Variants in OSBPL3 observed in about 807,000 individuals in gnomAD.
OSBPL3 encodes oxysterol-binding protein-related protein 3.
In OSBPL3, 65 loss-of-function variants were observed where a neutral mutation model predicts 120.1. The ratio of observed to expected loss-of-function variants is 0.54; its 90% CI spans 0.44 to 0.67. The LOEUF is 0.67. Ranked by LOEUF, OSBPL3 falls within the 30% of genes least tolerant of loss-of-function variation. The probability of loss-of-function intolerance (pLI) is 0.00; values close to 1 mark genes in which losing one functional copy is unlikely to be tolerated. For missense variants in OSBPL3, 1,004 were observed against 1,082.1 expected (o/e 0.93, Z 1.01); for synonymous variants, 416 against 402.6 (o/e 1.03, Z -0.40).
rs1412465734 is a variant in OSBPL3 at position 24,883,920 on chromosome 7, C to T, written c.96+8457G>A. ...GCTCAGTCTTATTTCTTCAGCCTTC[C>T]TGCCTCTGAGGTATGTTATAACCAT... On this transcript the variant is annotated intron_variant, in intron 2 of 22. Transcript: ENST00000313367. This position sits in a 1 kb window ranked among gnomAD's most constrained non-coding sequence, Gnocchi z 5.4. 6.6e-6 allele frequency among the ~76,000 whole-genome samples: 1 copy of T among 152,180 alleles called. No individual in the cohort carries two copies. The highest frequency in any genetic ancestry group is 1.5e-5 in the Non-Finnish European group (1 of 68,046).
In OSBPL3 at chr7:24,867,077, G is replaced by C. The variant is rs1801435148; in HGVS notation, c.382-840C>G. On this transcript the variant is annotated intron_variant, in intron 5 of 22. Coordinates refer to ENST00000313367, the MANE Select transcript of OSBPL3 (RefSeq NM_015550.4). The surrounding 1 kb of genome is among the most constrained non-coding windows in gnomAD (Gnocchi z 4.5). The stretch of plus-strand genomic sequence containing the variant: ...GGCCTCCCAAAGTGCTGGGATTACA[G>C]GCGTGAGCCACCACACCTGGCCTGT... Among the ~76,000 whole-genome samples, 1 of 152,244 alleles carries C rather than the reference G, an allele frequency of 6.6e-6. No homozygotes were observed. Among genetic ancestry groups the C allele is most frequent in the African/African-American group, 2.4e-5 (1 of 41,470 alleles).
At position 24,851,293 on chromosome 7, in the gene OSBPL3, A is replaced by C. The variant is rs143910693; in HGVS notation, c.1158+1211T>G. On this transcript the variant is annotated intron_variant, in intron 11 of 22. Transcript: ENST00000313367. The surrounding 1 kb of genome is among the most constrained non-coding windows in gnomAD (Gnocchi z 4.1). ...AGGGGGCGATTCTATCTGTGACCTT[A>C]AGACAACGTTAAGACTCTTCTTTAT... Among the ~76,000 whole-genome samples, 58 of 152,352 alleles carry C rather than the reference A, an allele frequency of 3.8e-4. 1 individual carries two copies. In the East Asian group the frequency reaches 0.011, roughly 29 times the overall value.
chr7:24,859,207 G>C (rs931506245), intron 10 of OSBPL3, among the ~76,000 whole-genome samples: 10 of 152,042 alleles, frequency 6.6e-5, no homozygotes, highest in Non-Finnish European at 1.3e-4. Context: ...AGAGCTGAAG[G>C]AATCAGTAAT....
chr7:24,845,384 T>TAAAAAAAA (rs34559902), intron 12 of OSBPL3, among the ~76,000 whole-genome samples: 425 of 62,280 alleles, frequency 6.8e-3, no homozygotes, highest in East Asian at 0.012. Context: ...GCAAAATAAG[T>TAAAAAAAA]AAAAAAAAAA....
intron 1 of OSBPL3, among the ~76,000 whole-genome samples, chr7:24,963,650 G>A (rs1816042527): frequency 6.6e-6 from 1 of 152,222 alleles, no homozygotes; most frequent in African/African-American, 2.4e-5. Context: ...GGTAAAAAAG[G>A]GGCAGGACTA....
rs1812449517 is a variant in OSBPL3, at chr7:24,936,582, T to C, written c.-150+43304A>G. Among the ~76,000 whole-genome samples, 1 of 152,128 alleles carries C rather than the reference T, an allele frequency of 6.6e-6. No homozygotes were observed. Among genetic ancestry groups the C allele is most frequent in the African/African-American group, 2.4e-5 (1 of 41,432 alleles). ...AAGGAAGGACCCTAGCTGTGGGCCTTGAAACCTCCTATTTGGGCTTCTGCC... is the reference window on the plus strand; with the variant it reads ...AAGGAAGGACCCTAGCTGTGGGCCTCGAAACCTCCTATTTGGGCTTCTGCC... On this transcript the variant is annotated intron_variant, in intron 1 of 22. Coordinates refer to ENST00000313367, the MANE Select transcript of OSBPL3 (RefSeq NM_015550.4). The surrounding 1 kb of genome is among the most constrained non-coding windows in gnomAD (Gnocchi z 4.2).
At position 24,937,762 on chromosome 7, in the gene OSBPL3, G is replaced by A. The variant is rs890171052; in HGVS notation, c.-150+42124C>T. The stretch of plus-strand genomic sequence containing the variant: ...CAAGCTGGTTGTTCCAAATGATATT[G>A]CCATTAATAAAACATGAGCTCCCAT... On this transcript the variant is annotated intron_variant, in intron 1 of 22. Coordinates refer to ENST00000313367, the MANE Select transcript of OSBPL3 (RefSeq NM_015550.4). The surrounding 1 kb of genome is among the most constrained non-coding windows in gnomAD (Gnocchi z 4.0). Among the ~76,000 whole-genome samples the A allele has an allele frequency of 6.6e-6, 1 of 152,162 alleles. No individual in the cohort carries two copies. The highest frequency in any genetic ancestry group is 2.1e-4 in the South Asian group (1 of 4,822).
intron 5 of OSBPL3, among the ~76,000 whole-genome samples, chr7:24,869,207 A>T (rs1026997387): frequency 1.3e-5 from 2 of 152,260 alleles, no homozygotes; most frequent in African/African-American, 2.4e-5. Context: ...CAATATTAGC[A>T]TTCAATATAT....
In OSBPL3 at chr7:24,817,128, C is replaced by T. The variant is rs1420002381; in HGVS notation, c.1949-440G>A. Among the ~76,000 whole-genome samples, 2 of 152,184 alleles carry T rather than the reference C, an allele frequency of 1.3e-5. No individual in the cohort carries two copies. Among genetic ancestry groups the T allele is most frequent in the African/African-American group, 4.8e-5 (2 of 41,440 alleles). ...AAGCAATTTAAGGCCAAATAAATAG[C>T]TTGTCTGAGGGGACGGAAGTATAGG... On this transcript the variant is annotated intron_variant, in intron 17 of 22. Coordinates refer to ENST00000313367, the MANE Select transcript of OSBPL3 (RefSeq NM_015550.4). The surrounding 1 kb of genome is among the most constrained non-coding windows in gnomAD (Gnocchi z 4.0).
chr7:24,971,513 C>G (rs1817022819), intron 1 of OSBPL3, among the ~76,000 whole-genome samples: 1 of 152,186 alleles, frequency 6.6e-6, no homozygotes, highest in African/African-American at 2.4e-5. Flanking sequence ...CCTCCCACAC[C>G]CAGAGTCCAG....
In OSBPL3 at chr7:24,972,733, C is replaced by T. The variant is rs1361081104; in HGVS notation, c.-150+7153G>A. Among the ~76,000 whole-genome samples the T allele has an allele frequency of 1.3e-5, 2 of 152,086 alleles. No homozygotes were observed. Among genetic ancestry groups the T allele is most frequent in the Admixed American group, 1.3e-4 (2 of 15,270 alleles). On this transcript the variant is annotated intron_variant, in intron 1 of 22. Coordinates refer to ENST00000313367, the MANE Select transcript of OSBPL3 (RefSeq NM_015550.4). The surrounding 1 kb of genome is among the most constrained non-coding windows in gnomAD (Gnocchi z 4.3). ...ATATATACATACATAAATATACACA[C>T]ACATATATATACATATATGTAGATT...
At chr7:24,836,441 C>T (rs1797007639) in intron 14 of OSBPL3, among the ~76,000 whole-genome samples, 1 of 152,192 alleles carries the variant, frequency 6.6e-6, no homozygotes, top group Non-Finnish European at 1.5e-5. Flanking sequence ...TGTATTAACA[C>T]CATACTCTCT....
At chr7:24,801,991 A>G (rs1018105645) in intron 22 of OSBPL3, among the ~76,000 whole-genome samples, 11 of 152,316 alleles carry the variant, frequency 7.2e-5, no homozygotes, top group Admixed American at 4.6e-4. Flanking sequence ...TTACATTAAC[A>G]ATTCCTGTAA....
At chr7:24,928,191 TTTG>T (rs1811304634) in intron 1 of OSBPL3, among the ~76,000 whole-genome samples, 1 of 86,622 alleles carries the variant, frequency 1.2e-5, no homozygotes, top group East Asian at 2.9e-4. Flanking sequence ...AACCTTCCTT[TTTG>T]TTTTTTTTTT....
chr7:24,967,716 G>A lies in OSBPL3; in HGVS notation c.-150+12170C>T, dbSNP rs1489215611. Reference sequence around the variant, plus strand: ...GGCTTACCTTCCCCAAGGTACTACAGGCTTCCCCCTTTCTCTCCTGGGACC... The same window carrying A: ...GGCTTACCTTCCCCAAGGTACTACAAGCTTCCCCCTTTCTCTCCTGGGACC... On this transcript the variant is annotated intron_variant, in intron 1 of 22. Transcript: ENST00000313367. This position sits in a 1 kb window ranked among gnomAD's most constrained non-coding sequence, Gnocchi z 5.6. 6.6e-6 allele frequency among the ~76,000 whole-genome samples: 1 copy of A among 152,054 alleles called. No individual in the cohort carries two copies. The highest frequency in any genetic ancestry group is 1.5e-5 in the Non-Finnish European group (1 of 68,010).
rs1055625354 is a variant in OSBPL3 at position 24,898,802 on chromosome 7, G to A, written c.-149-6181C>T. Among the ~76,000 whole-genome samples, 5 of 152,030 alleles carry A rather than the reference G, an allele frequency of 3.3e-5. No individual in the cohort carries two copies. Among genetic ancestry groups the A allele is most frequent in the East Asian group, 1.9e-4 (1 of 5,192 alleles). On this transcript the variant is annotated intron_variant, in intron 1 of 22. Coordinates refer to ENST00000313367, the MANE Select transcript of OSBPL3 (RefSeq NM_015550.4). This position sits in a 1 kb window ranked among gnomAD's most constrained non-coding sequence, Gnocchi z 4.3. ...AATAACGAATTCTAGCCCAACCTCCGGCTTAAACAAAGCAAGAACTCCCTC... is the reference window on the plus strand; with the variant it reads ...AATAACGAATTCTAGCCCAACCTCCAGCTTAAACAAAGCAAGAACTCCCTC...
intron 2 of OSBPL3, among the ~76,000 whole-genome samples, chr7:24,876,221 C>A (rs190419660): frequency 1.3e-5 from 2 of 152,172 alleles, no homozygotes; most frequent in African/African-American, 4.8e-5. Context: ...TCCACTTTGG[C>A]GATTTACTTA....
At chr7:24,844,579 T>C (rs994812771) in intron 12 of OSBPL3, among the ~76,000 whole-genome samples, 4 of 152,236 alleles carry the variant, frequency 2.6e-5, no homozygotes, top group Non-Finnish European at 5.9e-5. Flanking sequence ...GACACATTTC[T>C]TGTGCAGTAA....
chr7:24,945,658 G>T (rs556949979), intron 1 of OSBPL3, among the ~76,000 whole-genome samples: 1 of 152,312 alleles, frequency 6.6e-6, no homozygotes, highest in Admixed American at 6.5e-5. Flanking sequence ...AGAAGTACAC[G>T]TAAGACCCTG....
Sources: allele counts gnomAD v4.1 joint callset (sites outside exome capture counted in the v4.1 genomes callset), GRCh38; gene constraint gnomAD v4.1.1; non-coding constraint Gnocchi (gnomAD v3.1); transcripts MANE v1.5; gene names NCBI Gene and HGNC (gene_info 2026-07-23, HGNC 2026-07-21).